BACE1: variants seen among roughly 807,000 people sequenced by gnomAD.
The protein encoded by BACE1 is beta-secretase 1, also known as APP beta-secretase.
A neutral mutation model predicts 54.0 loss-of-function variants in BACE1; 21 were observed. That is an observed-to-expected ratio of 0.39 (90% CI 0.28 to 0.56). The LOEUF (loss-of-function observed/expected upper bound fraction) is 0.56, where lower values mean the gene tolerates loss of function less well. Among genes scored for constraint, BACE1 ranks in the 20% least tolerant of loss-of-function variants. The probability of loss-of-function intolerance (pLI) is 0.63; values close to 1 mark genes in which losing one functional copy is unlikely to be tolerated. For synonymous variants in BACE1, 232 were observed against 260.9 expected (o/e 0.89, Z 1.07); for missense variants, 511 against 661.2 (o/e 0.77, Z 2.49).
intron 1 of BACE1, among the ~76,000 whole-genome samples, chr11:117,305,601 C>T (rs577678289): frequency 3.9e-5 from 6 of 151,952 alleles, no homozygotes; most frequent in African/African-American, 1.4e-4. Context: ...ACCTTTCCCC[C>T]TTTGGATGGG....
Position 117,316,201 on chromosome 11 carries a change from T to C in BACE1, c.-406A>G, listed in dbSNP as rs1440984343. ...GCTGCGTTGGCTGCTCAGGCCACCA[T>C]AATCCAGCTCGCGGCTCGCAGCTCC... On this transcript the variant is annotated 5_prime_UTR_variant, in exon 1 of 9. An upstream start codon of the reference 5' UTR is lost. Transcript: ENST00000313005. 1 of 434,990 alleles carries C rather than the reference T, an allele frequency of 2.3e-6. No homozygotes were observed. The highest frequency in any genetic ancestry group is 2.1e-5 in the African/African-American group (1 of 48,720). 26.9% of individuals were successfully genotyped at this position (434,990 alleles called of 1,614,324 possible). A position where few individuals can be genotyped will look rare whatever the true frequency, so the allele number is the denominator to read the frequency against.
Position 117,315,815 on chromosome 11 carries a change from G to A in BACE1, c.-20C>T. Reference sequence around the variant, plus strand: ...GGCCATGGTGGGCCCCGGCCTTCGGGCCCTCTGGGCTCGCACTGGCCCACG... The same window carrying A: ...GGCCATGGTGGGCCCCGGCCTTCGGACCCTCTGGGCTCGCACTGGCCCACG... On this transcript the variant is annotated 5_prime_UTR_variant, in exon 1 of 9. Transcript: ENST00000313005. The surrounding 1 kb of genome is among the most constrained non-coding windows in gnomAD (Gnocchi z 5.5). 1 of 1,392,634 alleles carries A rather than the reference G, an allele frequency of 7.2e-7. No individual in the cohort carries two copies. Among genetic ancestry groups the A allele is most frequent in the Non-Finnish European group, 9.2e-7 (1 of 1,082,842 alleles). 86.3% of individuals were successfully genotyped at this position (1,392,634 alleles called of 1,614,324 possible).
At chr11:117,297,686 A>T (rs619360) in intron 1 of BACE1, among the ~76,000 whole-genome samples, 67,690 of 152,030 alleles carry the variant, frequency 0.45, 15,445 homozygotes, top group East Asian at 0.65. Flanking sequence ...AGGCCAGGCC[A>T]GTAAAAGTGG....
At chr11:117,304,173 G>A (rs1036705814) in intron 1 of BACE1, among the ~76,000 whole-genome samples, 1 of 152,230 alleles carries the variant, frequency 6.6e-6, no homozygotes, top group Non-Finnish European at 1.5e-5. Flanking sequence ...GGCTTGATAA[G>A]CACTTGTGCA....
At chr11:117,300,341 C>T in intron 1 of BACE1, among the ~76,000 whole-genome samples, 1 of 152,252 alleles carries the variant, frequency 6.6e-6, no homozygotes, top group Non-Finnish European at 1.5e-5. Context: ...CCCGTCTGCC[C>T]TCTGCGGTGT....
chr11:117,314,854 G>A (rs2035045625), intron 1 of BACE1: 1 of 152,228 alleles, frequency 6.6e-6, no homozygotes, highest in African/African-American at 2.4e-5. Context: ...CCTACCATTT[G>A]TTCTTTCACC....
chr11:117,293,213 C>CCGTGA lies in BACE1; in HGVS notation c.706-26_706-25insTCACG. 6.2e-7 allele frequency: 1 copy of CCGTGA among 1,611,212 alleles called. No individual in the cohort carries two copies. The highest frequency in any genetic ancestry group is 8.5e-7 in the Non-Finnish European group (1 of 1,178,842). On this transcript the variant is annotated intron_variant, in intron 4 of 8. Transcript: ENST00000313005. The surrounding 1 kb of genome is among the most constrained non-coding windows in gnomAD (Gnocchi z 4.1). Reference sequence around the variant, plus strand: ...TCTAGGGAAAAAAAGAGGCAGGTACCCGTGTCCTGGCACAGAAGGAGAGTG... The same window carrying CCGTGA: ...TCTAGGGAAAAAAAGAGGCAGGTACCCGTGACGTGTCCTGGCACAGAAGGAGAGTG...
chr11:117,315,497 T>G lies in BACE1; in HGVS notation c.261+38A>C. ...CCCCATCCTGTCTCCCCTCTGCTCA[T>G]GCAGGCGGAGGGCTAAGGGCTGGCC... On this transcript the variant is annotated intron_variant, in intron 1 of 8. Transcript: ENST00000313005. This position sits in a 1 kb window ranked among gnomAD's most constrained non-coding sequence, Gnocchi z 5.5. 1 of 1,560,396 alleles carries G rather than the reference T, an allele frequency of 6.4e-7. No homozygotes were observed. The highest frequency in any genetic ancestry group is 8.6e-7 in the Non-Finnish European group (1 of 1,158,314).
chr11:117,297,654 T>C (rs1372785469), intron 1 of BACE1, among the ~76,000 whole-genome samples: 1 of 151,492 alleles, frequency 6.6e-6, no homozygotes, highest in African/African-American at 2.4e-5. Context: ...TTGGCAAAAA[T>C]AGTTATGGGA....
At chr11:117,297,035 GC>G in intron 1 of BACE1, 74 bp from the exon 2 acceptor site, 2 of 1,111,740 alleles carry the variant, frequency 1.8e-6, no homozygotes, top group Non-Finnish European at 1.4e-6. Flanking sequence ...TATCCCTCAC[GC>G]CCCAGCCACA....
chr11:117,295,709 G>A lies in BACE1; in HGVS notation c.351-362C>T, dbSNP rs1182619334. 6 of 1,474,676 alleles carry A rather than the reference G, an allele frequency of 4.1e-6. No individual in the cohort carries two copies. In the Admixed American group the frequency reaches 9.1e-5, roughly 22 times the overall value. 91.3% of individuals were successfully genotyped at this position (1,474,676 alleles called of 1,614,324 possible). A position where few individuals can be genotyped will look rare whatever the true frequency, so the allele number is the denominator to read the frequency against. The stretch of plus-strand genomic sequence containing the variant: ...GCCCTCTGGCTCCGTCAAGCTCCCC[G>A]AGAAAAGGAACCATTGACTCTCTTA... On this transcript the variant is annotated intron_variant, in intron 2 of 8. Coordinates refer to ENST00000313005, the MANE Select transcript of BACE1 (RefSeq NM_012104.6).
chr11:117,291,281 T>G (rs1168588743), intron 6 of BACE1, among the ~76,000 whole-genome samples: 3 of 151,414 alleles, frequency 2.0e-5, no homozygotes, highest in Admixed American at 1.3e-4. Flanking sequence ...GGGAAGAGTT[T>G]TTTTTTTTTT....
rs1251302556 is a variant in BACE1 at position 117,316,165 on chromosome 11, G to A, written c.-370C>T. ...CGGCGCGGGCAGGGGCAAGGGCTCC[G>A]GGCTCCTGCGGCTGCGTTGGCTGCT... On this transcript the variant is annotated 5_prime_UTR_variant, in exon 1 of 9. Transcript: ENST00000313005. 5.0e-6 allele frequency: 2 copies of A among 399,862 alleles called. No homozygotes were observed. The highest frequency in any genetic ancestry group is 8.8e-6 in the Non-Finnish European group (2 of 226,920). 24.8% of individuals were successfully genotyped at this position (399,862 alleles called of 1,614,324 possible). A position where few individuals can be genotyped will look rare whatever the true frequency, so the allele number is the denominator to read the frequency against.
intron 1 of BACE1, among the ~76,000 whole-genome samples, chr11:117,300,087 A>C (rs1591862316): frequency 6.6e-6 from 1 of 150,432 alleles, no homozygotes; most frequent in Non-Finnish European, 1.5e-5. Context: ...GGGTACTCCC[A>C]CCCCAGCCCT....
Position 117,289,237 on chromosome 11 carries a change from C to T in BACE1, c.*329G>A, listed in dbSNP as rs912132999. ...TTCTGAAACTAAGAAAAGAAGAATA[C>T]TTTGGGTTGGAGAATTTAAAGGAAT... On this transcript the variant is annotated 3_prime_UTR_variant, in exon 9 of 9. Coordinates refer to ENST00000313005, the MANE Select transcript of BACE1 (RefSeq NM_012104.6). The T allele has an allele frequency of 6.7e-5, 19 of 281,632 alleles. No individual in the cohort carries two copies. The Admixed American group carries it at 8.1e-4, about 12-fold the overall frequency. 17.4% of individuals were successfully genotyped at this position (281,632 alleles called of 1,614,324 possible). A position where few individuals can be genotyped will look rare whatever the true frequency, so the allele number is the denominator to read the frequency against.
chr11:117,291,004 A>G lies in BACE1; in HGVS notation c.988T>C (p.Cys330Arg). ...CAAGGGGTGGTGCCTGCTTGCCAGCACACCAGCTGCTCTCCTAGCCAGAAA... is the reference window on the plus strand; with the variant it reads ...CAAGGGGTGGTGCCTGCTTGCCAGCGCACCAGCTGCTCTCCTAGCCAGAAA... ...DGFWLGEQLV[C>R]WQAGTTPWNI... Residue 330 changes from cysteine to arginine, a missense_variant, in exon 7 of 9, where the codon TGC (cysteine) becomes CGC (arginine). By Grantham distance (180) the Cys-to-Arg change is radical. Around this residue, in one of 2 missense-constraint regions of BACE1, gnomAD observed 407 missense variants for 565.7 expected, o/e 0.72. Coordinates refer to ENST00000313005, the MANE Select transcript of BACE1 (RefSeq NM_012104.6). 6.2e-7 allele frequency: 1 copy of G among 1,614,178 alleles called. No homozygotes were observed. Among genetic ancestry groups the G allele is most frequent in the Non-Finnish European group, 8.5e-7 (1 of 1,180,036 alleles).
intron 6 of BACE1, 134 bp from the exon 7 acceptor site, chr11:117,291,183 A>G: frequency 9.5e-7 from 1 of 1,057,680 alleles, no homozygotes; most frequent in Non-Finnish European, 1.3e-6. Context: ...GGGTAAACCA[A>G]CCAGAGGATT....
rs886839286 is a variant in BACE1, at chr11:117,288,462, T to A, written c.*1104A>T. ...CAGCTGTTGAATGAATGTTCAACAT[T>A]ATGCTTTTAAGGATTAGATAGAAGA... On this transcript the variant is annotated 3_prime_UTR_variant, in exon 9 of 9. Coordinates refer to ENST00000313005, the MANE Select transcript of BACE1 (RefSeq NM_012104.6). 1 of 152,632 alleles carries A rather than the reference T, an allele frequency of 6.6e-6. No individual in the cohort carries two copies. Among genetic ancestry groups the A allele is most frequent in the Non-Finnish European group, 1.5e-5 (1 of 68,034 alleles). The allele number at this position is 152,632 out of a possible 1,614,324, so 9.5% of individuals were successfully genotyped here. A position where few individuals can be genotyped will look rare whatever the true frequency, so the allele number is the denominator to read the frequency against.
chr11:117,313,178 A>G (rs921276778), intron 1 of BACE1, among the ~76,000 whole-genome samples: 2 of 152,356 alleles, frequency 1.3e-5, no homozygotes, highest in Admixed American at 6.5e-5. Flanking sequence ...CCAAGCCACC[A>G]GAGAGCAGAG....
Sources: gnomAD v4.1 joint callset for allele counts (sites outside exome capture counted in the v4.1 genomes callset) on GRCh38, gnomAD v4.1.1 for gene constraint, gnomAD v4.1.1 regional missense constraint, Gnocchi (gnomAD v3.1) non-coding constraint, MANE v1.5 for transcripts, NCBI Gene and HGNC (gene_info 2026-07-23, HGNC 2026-07-21) for gene names.